The following TRHDE variants were observed in gnomAD, a reference collection of about 807,000 sequenced individuals.
TRHDE encodes the protein thyrotropin-releasing hormone-degrading ectoenzyme.
A neutral mutation model predicts 125.7 loss-of-function variants in TRHDE; 72 were observed. The observed-to-expected ratio is 0.57, with a 90% confidence interval of 0.47 to 0.70. The LOEUF (loss-of-function observed/expected upper bound fraction) is 0.70, where lower values mean the gene tolerates loss of function less well. TRHDE is among the 30% of genes least tolerant of loss of function. The probability of loss-of-function intolerance (pLI) is 0.00; values close to 1 mark genes in which losing one functional copy is unlikely to be tolerated. For synonymous variants in TRHDE, 509 were observed against 509.1 expected (o/e 1.00, Z 0.00); for missense variants, 1,110 against 1,327.1 (o/e 0.84, Z 2.54).
chr12:72,409,025 T>C (rs935073208), intron 3 of TRHDE, among the ~76,000 whole-genome samples: 4 of 152,138 alleles, frequency 2.6e-5, no homozygotes, highest in African/African-American at 9.7e-5. Context: ...TACTAGTCTA[T>C]GGATTCAAGA....
chr12:72,340,427 T>A (rs1870030846), intron 2 of TRHDE, among the ~76,000 whole-genome samples: 1 of 152,212 alleles, frequency 6.6e-6, no homozygotes, highest in African/African-American at 2.4e-5. Flanking sequence ...TTGAGTTTGC[T>A]ATGAGGAACT....
chr12:72,511,628 G>A (rs564112157), intron 6 of TRHDE, among the ~76,000 whole-genome samples: 4 of 152,092 alleles, frequency 2.6e-5, no homozygotes, highest in Non-Finnish European at 5.9e-5. Flanking sequence ...ATATTTTTGT[G>A]ATAAATGCCT....
At chr12:72,416,090 T>C (rs988542833) in intron 3 of TRHDE, among the ~76,000 whole-genome samples, 3 of 152,124 alleles carry the variant, frequency 2.0e-5, no homozygotes, top group African/African-American at 7.2e-5. Context: ...CTGTTTTTTT[T>C]AACTTTGGTG....
chr12:72,477,671 A>G (rs1876964167), intron 5 of TRHDE, among the ~76,000 whole-genome samples: 1 of 152,350 alleles, frequency 6.6e-6, no homozygotes, highest in East Asian at 1.9e-4. Context: ...ACAGCACAGT[A>G]ACTGTTCTTC....
intron 7 of TRHDE, among the ~76,000 whole-genome samples, chr12:72,543,546 C>G (rs1869258355): frequency 6.6e-6 from 1 of 151,366 alleles, no homozygotes; most frequent in African/African-American, 2.4e-5. Flanking sequence ...TATCAGCTAT[C>G]TGGAGGAATG....
chr12:72,552,929 G>A (rs545225374), intron 7 of TRHDE, among the ~76,000 whole-genome samples: 1 of 152,274 alleles, frequency 6.6e-6, no homozygotes, highest in Non-Finnish European at 1.5e-5. Flanking sequence ...ATAACTCCAG[G>A]ACCTTGCTCA....
chr12:72,387,491 A>G (rs972048510), intron 3 of TRHDE, among the ~76,000 whole-genome samples: 4 of 151,942 alleles, frequency 2.6e-5, no homozygotes, highest in Non-Finnish European at 5.9e-5. Flanking sequence ...GTTCAACCTA[A>G]ATAAAATTTG....
chr12:72,245,233 GTT>G (rs1452154429), intron 2 of TRHDE, among the ~76,000 whole-genome samples: 1 of 146,390 alleles, frequency 6.8e-6, no homozygotes, highest in African/African-American at 2.6e-5. Context: ...TTATATCTAT[GTT>G]TGTGTGTATG....
intron 2 of TRHDE, among the ~76,000 whole-genome samples, chr12:72,371,376 T>TTTTA (rs1276583593): frequency 9.3e-5 from 14 of 150,970 alleles, no homozygotes; most frequent in Admixed American, 2.7e-4. Flanking sequence ...CAAAACTGGC[T>TTTTA]TTTATTTATT....
intron 3 of TRHDE, among the ~76,000 whole-genome samples, chr12:72,420,972 ATT>A (rs1187188525): frequency 1.4e-5 from 2 of 143,380 alleles, no homozygotes; most frequent in African/African-American, 2.5e-5. Flanking sequence ...GATTGGTATG[ATT>A]TTTTTTTTTT....
chr12:72,230,114 C>G (rs1391934721), intron 2 of TRHDE, among the ~76,000 whole-genome samples: 1 of 151,978 alleles, frequency 6.6e-6, no homozygotes, highest in Non-Finnish European at 1.5e-5. Context: ...ACTGTTGTGC[C>G]CATGAGAACA....
chr12:72,183,224 T>C (rs1010548469), intron 2 of TRHDE, among the ~76,000 whole-genome samples: 1 of 152,246 alleles, frequency 6.6e-6, no homozygotes, highest in African/African-American at 2.4e-5. Context: ...CACTGTGTTA[T>C]GTACCCGATA....
At chr12:72,285,119 C>T (rs1050565321) in intron 1 of TRHDE, among the ~76,000 whole-genome samples, 3 of 152,092 alleles carry the variant, frequency 2.0e-5, no homozygotes, top group African/African-American at 7.2e-5. Context: ...TCAATGTAAG[C>T]TTCATAATTT....
chr12:72,205,052 G>A (rs1326317690), intron 2 of TRHDE, among the ~76,000 whole-genome samples: 1 of 152,202 alleles, frequency 6.6e-6, no homozygotes, highest in East Asian at 1.9e-4. Context: ...ACAGATAATG[G>A]AAAAGATGTT....
chr12:72,372,582 A>G (rs1220879523), intron 2 of TRHDE, among the ~76,000 whole-genome samples: 9 of 152,096 alleles, frequency 5.9e-5, no homozygotes, highest in South Asian at 2.1e-4. Flanking sequence ...TGTAAGGAAG[A>G]GATCCAGTTT....
chr12:72,536,746 A>G (rs1452304776), intron 6 of TRHDE, among the ~76,000 whole-genome samples: 1 of 152,110 alleles, frequency 6.6e-6, no homozygotes, highest in Non-Finnish European at 1.5e-5. Context: ...CCTGCCATAA[A>G]GAAGCTTTAT....
At chr12:72,269,927 T>C (rs186153639), upstream of TRHDE, among the ~76,000 whole-genome samples, 405 of 152,336 alleles carry the variant, frequency 2.7e-3, 2 homozygotes, top group African/African-American at 9.4e-3. Context: ...GGGTAACCTC[T>C]TCCTTTAGGC....
chr12:72,153,816 C>G (rs150942853), intron 2 of TRHDE, among the ~76,000 whole-genome samples: 10,394 of 152,084 alleles, frequency 0.068, 598 homozygotes, highest in African/African-American at 0.15. Context: ...TTACTTCCAA[C>G]TATGTGGTCA....
At chr12:72,424,109 A>G (rs1402237666) in intron 3 of TRHDE, among the ~76,000 whole-genome samples, 1 of 152,138 alleles carries the variant, frequency 6.6e-6, no homozygotes, top group Non-Finnish European at 1.5e-5. Context: ...TTTTCTCAAG[A>G]TCTAGAGGTT....
Sources: allele counts gnomAD v4.1 joint callset (sites outside exome capture counted in the v4.1 genomes callset), GRCh38; gene constraint gnomAD v4.1.1; transcripts MANE v1.5; gene names NCBI Gene and HGNC (gene_info 2026-07-23, HGNC 2026-07-21).